Variants in ZNF521 observed in about 807,000 individuals in gnomAD.
ZNF521 encodes LYST-interacting protein 3.
ZNF521 carries 14 observed loss-of-function variants against 105.5 expected under a neutral mutation model. The ratio of observed to expected loss-of-function variants is 0.13; its 90% confidence interval spans 0.09 to 0.21. The LOEUF is 0.21. ZNF521 is among the 10% of genes least tolerant of loss of function. The pLI is 1.00. For missense variants in ZNF521, 1,233 were observed against 1,629.7 expected (o/e 0.76, Z 4.19); for synonymous variants, 635 against 606.0 (o/e 1.05, Z -0.70).
At chr18:25,220,768 C>T (rs1268223103) in intron 4 of ZNF521, among the ~76,000 whole-genome samples, 2 of 152,138 alleles carry the variant, frequency 1.3e-5, no homozygotes, top group Non-Finnish European at 2.9e-5. Flanking sequence ...CTAAGAAGCA[C>T]ACTAGAAAAA....
chr18:25,213,661 C>A (rs1269428500), intron 4 of ZNF521, among the ~76,000 whole-genome samples: 1 of 151,968 alleles, frequency 6.6e-6, no homozygotes, highest in East Asian at 1.9e-4. Flanking sequence ...ATCAAATGAA[C>A]AAAGGTATTT....
intron 7 of ZNF521, among the ~76,000 whole-genome samples, chr18:25,081,238 G>A (rs549383224): frequency 1.3e-5 from 2 of 152,222 alleles, no homozygotes; most frequent in Non-Finnish European, 2.9e-5. Context: ...GCCATCTGTC[G>A]TCAACTCTGG....
At chr18:25,114,501 T>C (rs1157122183) in intron 5 of ZNF521, among the ~76,000 whole-genome samples, 1 of 152,162 alleles carries the variant, frequency 6.6e-6, no homozygotes, top group African/African-American at 2.4e-5. Flanking sequence ...GACTAACTGA[T>C]AAGAGATGAT....
Position 25,093,940 on chromosome 18 carries a change from C to T in ZNF521, c.3659-1859G>A, listed in dbSNP as rs150046258. Among the ~76,000 whole-genome samples, 35 of 152,220 alleles carry T rather than the reference C, an allele frequency of 2.3e-4. 1 individual carries two copies. In the South Asian group the frequency reaches 6.6e-3, roughly 29 times the overall value. On this transcript the variant is annotated intron_variant, in intron 5 of 7. Transcript: ENST00000361524. ...TTGTAAGAAATTGGATTGGCAAGTGCATCTTCAGAAAAATACTTGCTAACT... is the reference window on the plus strand; with the variant it reads ...TTGTAAGAAATTGGATTGGCAAGTGTATCTTCAGAAAAATACTTGCTAACT...
intron 2 of ZNF521, among the ~76,000 whole-genome samples, chr18:25,325,660 T>C (rs1033448297): frequency 6.6e-6 from 1 of 152,202 alleles, no homozygotes; most frequent in African/African-American, 2.4e-5. Context: ...ACATGTTGCA[T>C]TCAGCACAAA....
intron 4 of ZNF521, among the ~76,000 whole-genome samples, chr18:25,198,030 C>T (rs1171818952): frequency 2.0e-5 from 3 of 151,766 alleles, no homozygotes; most frequent in Non-Finnish European, 4.4e-5. Flanking sequence ...AAAGTAGAAA[C>T]AGAACTTCCA....
intron 5 of ZNF521, among the ~76,000 whole-genome samples, chr18:25,126,505 G>A (rs1313783856): frequency 6.6e-6 from 1 of 151,966 alleles, no homozygotes; most frequent in African/African-American, 2.4e-5. Context: ...CTCTGTACCT[G>A]TGTCATATTT....
intron 3 of ZNF521, among the ~76,000 whole-genome samples, chr18:25,279,166 A>G (rs138657895): frequency 5.3e-5 from 8 of 152,340 alleles, no homozygotes; most frequent in Admixed American, 5.2e-4. Flanking sequence ...CAGGAGAGAG[A>G]GTGGCATTGT....
At chr18:25,168,580 G>A (rs1465540910) in intron 5 of ZNF521, among the ~76,000 whole-genome samples, 3 of 152,114 alleles carry the variant, frequency 2.0e-5, no homozygotes, top group Non-Finnish European at 4.4e-5. Context: ...TAAATATAGG[G>A]GAAGAAGGGG....
At chr18:25,228,456 G>GA (rs1429239383) in intron 3 of ZNF521, among the ~76,000 whole-genome samples, 3 of 152,270 alleles carry the variant, frequency 2.0e-5, no homozygotes, top group Non-Finnish European at 2.9e-5. Context: ...CTAGGATCAA[G>GA]AAAAAATGAG....
In ZNF521 at chr18:25,225,587, T is replaced by A. The variant is rs1322924451; in HGVS notation, c.2331A>T (p.Glu777Asp). 1 of 1,614,226 alleles carries A rather than the reference T, an allele frequency of 6.2e-7. No homozygotes were observed. The change falls in exon 4 of 8, where the codon GAA becomes GAT. Residue 777 changes from glutamate to aspartate, a missense_variant. By Grantham distance (45) the Glu-to-Asp change is conservative. This residue lies in a region of ZNF521 where 614 missense variants were observed against 751.5 expected (regional missense o/e 0.82). Coordinates refer to ENST00000361524, the MANE Select transcript of ZNF521 (RefSeq NM_015461.3). The surrounding 1 kb of genome is among the most constrained non-coding windows in gnomAD (Gnocchi z 5.6). ...TGCACTTATGCACTTTCCCTTGGTT[T>A]TCCAGGTGGTTGTGTTTCACATGGA... ...LQLHVKHNHL[E>D]NQGKVHKCIF...
At chr18:25,130,946 AAATCAATC>A (rs56985443) in intron 5 of ZNF521, among the ~76,000 whole-genome samples, 253 of 150,940 alleles carry the variant, frequency 1.7e-3, no homozygotes, top group African/African-American at 4.4e-3. Context: ...CTGTCTCTAA[AAATCAATC>A]AATCAATCAA....
intron 3 of ZNF521, among the ~76,000 whole-genome samples, chr18:25,299,306 A>C (rs1416690776): frequency 1.3e-5 from 2 of 152,234 alleles, no homozygotes; most frequent in East Asian, 3.8e-4. Context: ...AGTCCAATGA[A>C]GGAGGGCAGG....
chr18:25,332,865 A>T (rs1913657343), intron 2 of ZNF521, among the ~76,000 whole-genome samples: 1 of 152,182 alleles, frequency 6.6e-6, no homozygotes, highest in South Asian at 2.1e-4. Context: ...AGCATAATCA[A>T]TACACAATTT....
chr18:25,290,319 T>C (rs866277226), intron 3 of ZNF521, among the ~76,000 whole-genome samples: 1 of 152,168 alleles, frequency 6.6e-6, no homozygotes, highest in Non-Finnish European at 1.5e-5. Flanking sequence ...CTCCCCAAAA[T>C]TGATCTAAGG....
intron 5 of ZNF521, among the ~76,000 whole-genome samples, chr18:25,160,506 T>TGC (rs1014738453): frequency 5.3e-5 from 8 of 152,162 alleles, no homozygotes. Context: ...ACTGCACTTA[T>TGC]GCACACACAC....
At chr18:25,316,830 A>G (rs1912647714) in intron 3 of ZNF521, among the ~76,000 whole-genome samples, 1 of 150,764 alleles carries the variant, frequency 6.6e-6, no homozygotes, top group Non-Finnish European at 1.5e-5. Context: ...ATGTGCTTCA[A>G]CAAGTGGCAA....
At chr18:25,349,704 C>T (rs958503350) in intron 2 of ZNF521, among the ~76,000 whole-genome samples, 8 of 151,624 alleles carry the variant, frequency 5.3e-5, no homozygotes, top group Admixed American at 2.0e-4. Flanking sequence ...CGCCGCGGCC[C>T]GGCAGCCAGG....
Position 25,225,535 on chromosome 18 carries a change from C to G in ZNF521, c.2383G>C (p.Glu795Gln). 1 of 1,614,210 alleles carries G rather than the reference C, an allele frequency of 6.2e-7. No homozygotes were observed. The highest frequency in any genetic ancestry group is 1.1e-5 in the South Asian group (1 of 91,088). Residue 795 changes from glutamate to glutamine, a missense_variant, in exon 4 of 8, where the codon GAG becomes CAG. Transcript: ENST00000361524. The surrounding 1 kb of genome is among the most constrained non-coding windows in gnomAD (Gnocchi z 5.6). Reference sequence around the variant, plus strand: ...GTGATGTGGCATTGCAGCTCCACCTCGGTGCCAAAGGACTCACCGCAGAAA... The same window carrying G: ...GTGATGTGGCATTGCAGCTCCACCTGGGTGCCAAAGGACTCACCGCAGAAA... ...CIFCGESFGT[E>Q]VELQCHITTH...
Sources: gnomAD v4.1 joint callset for allele counts (sites outside exome capture counted in the v4.1 genomes callset) on GRCh38, gnomAD v4.1.1 for gene constraint, gnomAD v4.1.1 regional missense constraint, Gnocchi (gnomAD v3.1) non-coding constraint, MANE v1.5 for transcripts, NCBI Gene and HGNC (gene_info 2026-07-23, HGNC 2026-07-21) for gene names.